Variants in PTPRS observed in about 807,000 individuals in gnomAD.
PTPRS encodes receptor-type tyrosine-protein phosphatase S.
PTPRS carries 63 observed loss-of-function variants against 215.3 expected under a neutral mutation model. That is an observed-to-expected ratio of 0.29 (90% CI 0.24 to 0.36). The LOEUF (loss-of-function observed/expected upper bound fraction) is 0.36, where lower values mean the gene tolerates loss of function less well. Among genes scored for constraint, PTPRS ranks in the 10% least tolerant of loss-of-function variants. PTPRS has a pLI of 1.00. For missense variants in PTPRS, 2,258 were observed against 2,825.8 expected, an observed-to-expected ratio of 0.80 and a Z score of 4.56; for synonymous variants, 1,404 against 1,191.4, an observed-to-expected ratio of 1.18 and a Z score of -3.68.
rs1189801034 is a variant in PTPRS, at chr19:5,216,712, GAACT to G, written c.4096+4_4096+7del. On this transcript the variant is annotated splice_donor_5th_base_variant and intron_variant, in intron 26 of 37. Coordinates refer to ENST00000262963, the MANE Select transcript of PTPRS (RefSeq NM_002850.4). The stretch of plus-strand genomic sequence containing the variant: ...GAAAGGAAGCCAAAAACAGACACAA[GAACT>G]AACTTTCAAAGTGAAACCCCGGCTC... 6.4e-7 allele frequency: 1 copy of G among 1,558,278 alleles called. No homozygotes were observed. Among genetic ancestry groups the G allele is most frequent in the East Asian group, 2.4e-5 (1 of 42,210 alleles).
intron 30 of PTPRS, among the ~76,000 whole-genome samples, chr19:5,213,608 G>C (rs1367941397): frequency 1.3e-5 from 2 of 152,144 alleles, no homozygotes; most frequent in South Asian, 4.1e-4. Flanking sequence ...CCTGTTGTGT[G>C]CTTGTGTCCA....
intron 17 of PTPRS, among the ~76,000 whole-genome samples, chr19:5,225,256 G>GCC (rs1452934374): frequency 3.9e-5 from 6 of 152,076 alleles, no homozygotes; most frequent in Non-Finnish European, 8.8e-5. Flanking sequence ...TAACAACCTA[G>GCC]CCGGGGCGAC....
At chr19:5,216,627 G>C (rs1037838138) in intron 26 of PTPRS, 93 bp downstream of exon 26, 2 of 1,107,660 alleles carry the variant, frequency 1.8e-6, no homozygotes, top group Non-Finnish European at 2.7e-6. Flanking sequence ...GGGTGGGCGT[G>C]TGGACAGAGA....
chr19:5,207,822 G>C, intron 37 of PTPRS, 100 bp downstream of exon 37: 1 of 1,523,576 alleles, frequency 6.6e-7, no homozygotes, highest in Non-Finnish European at 8.9e-7. Flanking sequence ...GACCCAGAGA[G>C]TCCCAGGTGG....
At chr19:5,262,809 C>G (rs910578006) in intron 6 of PTPRS, among the ~76,000 whole-genome samples, 155 bp downstream of exon 6, 1 of 151,600 alleles carries the variant, frequency 6.6e-6, no homozygotes, top group Non-Finnish European at 1.5e-5. Flanking sequence ...GGGCCGGTCG[C>G]GGGGAGGAGG....
At chr19:5,301,450 G>A (rs2049301811) in intron 1 of PTPRS, among the ~76,000 whole-genome samples, 1 of 151,950 alleles carries the variant, frequency 6.6e-6, no homozygotes, top group Admixed American at 6.6e-5. Flanking sequence ...CGATTAGCTG[G>A]GATTACAGGT....
At chr19:5,272,729 C>T (rs1009559403) in intron 4 of PTPRS, among the ~76,000 whole-genome samples, 12 of 150,866 alleles carry the variant, frequency 8.0e-5, no homozygotes, top group African/African-American at 2.4e-4. Flanking sequence ...ACCTAGCATC[C>T]GTTCATCCTT....
At chr19:5,268,131 C>T (rs759246483) in intron 4 of PTPRS, among the ~76,000 whole-genome samples, 8 of 152,090 alleles carry the variant, frequency 5.3e-5, no homozygotes, top group Non-Finnish European at 8.8e-5. Flanking sequence ...GATCGCGCCA[C>T]TGCACTCCAG....
rs758713201 is a variant in PTPRS at position 5,206,816 on chromosome 19, C to T, written c.5805G>A (p.Ala1935=). Residue 1935 remains alanine (A), a synonymous_variant, in exon 38 of 38, where the codon GCG becomes GCA. Transcript: ENST00000262963. ...CAAAGCTTCCGAGGTACTCCAGTGC[C>T]GCCTGGTAACAGAACTGGTACTCAT... The part of the protein sequence containing the change: ...TEDEYQFCYQ[A]ALEYLGSFDH... The T allele has an allele frequency of 2.3e-5, 37 of 1,613,974 alleles. No homozygotes were observed. Among genetic ancestry groups the T allele is most frequent in the South Asian group, 4.4e-5 (4 of 91,082 alleles).
At chr19:5,262,605 T>C (rs2046086764) in intron 6 of PTPRS, among the ~76,000 whole-genome samples, 3 of 152,176 alleles carry the variant, frequency 2.0e-5, no homozygotes, top group Admixed American at 2.0e-4. Context: ...AAGAAAAAAG[T>C]GCGGGAGGAA....
At chr19:5,275,413 G>A (rs2047280496) in intron 2 of PTPRS, among the ~76,000 whole-genome samples, 3 of 151,362 alleles carry the variant, frequency 2.0e-5, no homozygotes, top group Non-Finnish European at 4.4e-5. Context: ...GAGAGATAGG[G>A]ATTCACTCTG....
chr19:5,306,012 C>T (rs1490294511), intron 1 of PTPRS, among the ~76,000 whole-genome samples: 1 of 135,862 alleles, frequency 7.4e-6, no homozygotes, highest in Non-Finnish European at 1.5e-5. Context: ...ACCAGCAGCA[C>T]AATAGGTACA....
At chr19:5,217,935 C>T (rs2041632627) in intron 25 of PTPRS, among the ~76,000 whole-genome samples, 1 of 151,968 alleles carries the variant, frequency 6.6e-6, no homozygotes, top group Non-Finnish European at 1.5e-5. Context: ...AGGCATGAAC[C>T]CTGGCAGCCA....
intron 1 of PTPRS, among the ~76,000 whole-genome samples, chr19:5,306,344 C>T (rs967735266): frequency 1.3e-5 from 2 of 152,074 alleles, no homozygotes; most frequent in South Asian, 4.2e-4. Context: ...GGGGTTTCAC[C>T]ATGTTGGCCA....
intron 7 of PTPRS, 101 bp downstream of exon 7, chr19:5,260,704 A>C: frequency 1.4e-6 from 2 of 1,430,704 alleles, no homozygotes; most frequent in Non-Finnish European, 2.0e-6. Flanking sequence ...CAGGGTGGAC[A>C]CGCATGGAAG....
At chr19:5,312,747 G>A (rs2049746993) in intron 1 of PTPRS, among the ~76,000 whole-genome samples, 2 of 152,198 alleles carry the variant, frequency 1.3e-5, no homozygotes, top group African/African-American at 2.4e-5. Flanking sequence ...TGCCAGGCAT[G>A]GTTCAAAGTC....
At position 5,286,151 on chromosome 19, in the gene PTPRS, G is replaced by A. The variant is rs368042337; in HGVS notation, c.-11C>T. The A allele has an allele frequency of 5.7e-5, 92 of 1,613,004 alleles. 2 individuals carry two copies. Among genetic ancestry groups the A allele is most frequent in the Admixed American group, 8.4e-5 (5 of 59,872 alleles). Reference sequence around the variant, plus strand: ...CCAGGTGGGCGCCATGCTTGGCAGCGACCTCCGATCTCCGCCCTGGAGGGG... The same window carrying A: ...CCAGGTGGGCGCCATGCTTGGCAGCAACCTCCGATCTCCGCCCTGGAGGGG... On this transcript the variant is annotated 5_prime_UTR_variant, in exon 2 of 38. Transcript: ENST00000262963.
rs571819508 is a variant in PTPRS, at chr19:5,245,650, G to A, written c.988+126C>T. On this transcript the variant is annotated intron_variant, in intron 10 of 37. Coordinates refer to ENST00000262963, the MANE Select transcript of PTPRS (RefSeq NM_002850.4). ...TCAAAGAACAACCGTCCCCTTCCTA[G>A]CCATGAATGACTGAAGCCAAGAGGG... 3 of 1,359,888 alleles carry A rather than the reference G, an allele frequency of 2.2e-6. No individual in the cohort carries two copies. In the African/African-American group the frequency reaches 4.4e-5, roughly 20 times the overall value. 84.2% of individuals were successfully genotyped at this position (1,359,888 alleles called of 1,614,324 possible).
chr19:5,213,176 A>T (rs564656347), intron 30 of PTPRS, among the ~76,000 whole-genome samples: 1 of 152,034 alleles, frequency 6.6e-6, no homozygotes. Context: ...TCTGGTCTAG[A>T]CCTATCACCA....
Sources: gnomAD v4.1 joint callset for allele counts (sites outside exome capture counted in the v4.1 genomes callset) on GRCh38, gnomAD v4.1.1 for gene constraint, MANE v1.5 for transcripts, NCBI Gene and HGNC (gene_info 2026-07-23, HGNC 2026-07-21) for gene names.